The following KDM4B variants were observed in gnomAD, a reference collection of about 807,000 sequenced individuals.
KDM4B encodes the protein lysine demethylase 4B.
KDM4B carries 32 observed loss-of-function variants against 125.2 expected under a neutral mutation model. The observed-to-expected ratio is 0.26, with a 90% CI of 0.19 to 0.34. KDM4B has a LOEUF of 0.34. Ranked by LOEUF, KDM4B falls within the 10% of genes least tolerant of loss-of-function variation. KDM4B has a pLI of 1.00. For synonymous variants in KDM4B, 721 were observed against 677.9 expected, an observed-to-expected ratio of 1.06 and a Z score of -0.99; for missense variants, 1,190 against 1,577.7, an observed-to-expected ratio of 0.75 and a Z score of 4.16.
At chr19:5,020,446 T>C (rs932913221) in intron 2 of KDM4B, among the ~76,000 whole-genome samples, 9 of 152,106 alleles carry the variant, frequency 5.9e-5, no homozygotes, top group African/African-American at 2.2e-4. Context: ...TTTAGCCTTC[T>C]CAGGAATCGC....
intron 9 of KDM4B, among the ~76,000 whole-genome samples, chr19:5,091,164 C>G (rs2038694725): frequency 6.6e-6 from 1 of 152,228 alleles, no homozygotes; most frequent in Admixed American, 6.5e-5. Context: ...CCGGGCTGGC[C>G]CCGAGGTGGG....
intron 11 of KDM4B, among the ~76,000 whole-genome samples, chr19:5,126,062 C>T (rs530699668): frequency 5.3e-5 from 8 of 152,336 alleles, no homozygotes; most frequent in South Asian, 4.1e-4. Flanking sequence ...AAAGCTATGA[C>T]GCTGAGGCAC....
intron 2 of KDM4B, among the ~76,000 whole-genome samples, chr19:5,021,362 G>A (rs1009099153): frequency 6.6e-6 from 1 of 152,144 alleles, no homozygotes; most frequent in Non-Finnish European, 1.5e-5. Flanking sequence ...GCCAAGGCGG[G>A]TGGCCTTGAT....
Position 4,974,778 on chromosome 19 carries a change from A to AAAAC in KDM4B, c.-109+5564_-109+5567dup, listed in dbSNP as rs201538832. ...GAAGGTAGTCAAAGGAGTAAAAACC[A>AAAAC]AAACAAACAAACAAACAAAAGATTT... On this transcript the variant is annotated intron_variant, in intron 1 of 22. Coordinates refer to ENST00000159111, the MANE Select transcript of KDM4B (RefSeq NM_015015.3). Among the ~76,000 whole-genome samples the AAAAC allele has an allele frequency of 5.9e-3, 897 of 151,696 alleles. 6 individuals are homozygous for AAAAC. The highest frequency in any genetic ancestry group is 0.011 in the Admixed American group (168 of 15,254).
chr19:5,127,720 G>T (rs887368955), intron 11 of KDM4B, among the ~76,000 whole-genome samples: 6 of 152,202 alleles, frequency 3.9e-5, no homozygotes, highest in Admixed American at 6.5e-5. Context: ...CCTTGGAGGA[G>T]GAGGGAGAGA....
Position 5,114,095 on chromosome 19 carries a change from G to A in KDM4B, c.1115+3277G>A, listed in dbSNP as rs141297226. ...GGGTGCCCTCAGCCTCCCCACTCCC[G>A]GTGGCGCTGTGCGTTCTGGTGCCCT... On this transcript the variant is annotated intron_variant, in intron 10 of 22. Transcript: ENST00000159111. This position sits in a 1 kb window ranked among gnomAD's most constrained non-coding sequence, Gnocchi z 5.8. 0.012 allele frequency: 15,632 copies of A among 1,289,440 alleles called. 123 individuals are homozygous for A. Among genetic ancestry groups the A allele is most frequent in the Non-Finnish European group, 0.014 (13,867 of 988,720 alleles). 79.9% of individuals were successfully genotyped at this position (1,289,440 alleles called of 1,614,324 possible).
chr19:5,037,259 G>GA (rs1397951240), intron 3 of KDM4B, among the ~76,000 whole-genome samples: 8 of 152,192 alleles, frequency 5.3e-5, no homozygotes, highest in African/African-American at 1.2e-4. Context: ...GCTTCCTGGA[G>GA]AGGGGGGACA....
intron 1 of KDM4B, among the ~76,000 whole-genome samples, chr19:4,978,643 A>C (rs1421134417): frequency 6.6e-6 from 1 of 151,848 alleles, no homozygotes; most frequent in Non-Finnish European, 1.5e-5. Context: ...CCCCAAAGGC[A>C]GAGCAGAGCC....
chr19:5,145,217 GT>G (rs576512998), intron 21 of KDM4B, among the ~76,000 whole-genome samples: 79 of 145,954 alleles, frequency 5.4e-4, no homozygotes, highest in Non-Finnish European at 6.8e-4. Context: ...GTACCCCTGG[GT>G]TTTTTTTTTT....
Position 5,037,743 on chromosome 19 carries a change from A to G in KDM4B, c.142-2093A>G, listed in dbSNP as rs548944804. ...CCCTGGCCTCCATCTACCTCATGCC[A>G]GGAGCACCCTCAGTCGTGAAAGCCA... is the stretch of plus-strand genomic sequence containing the variant. On this transcript the variant is annotated intron_variant, in intron 3 of 22. Coordinates refer to ENST00000159111, the MANE Select transcript of KDM4B (RefSeq NM_015015.3). 4.3e-3 allele frequency among the ~76,000 whole-genome samples: 654 copies of G among 152,320 alleles called. 5 individuals are homozygous for G. The highest frequency in any genetic ancestry group is 0.014 in the African/African-American group (592 of 41,582).
rs187582350 is a variant in KDM4B, at chr19:5,110,555, G to A, written c.919-67G>A. 42 of 1,526,622 alleles carry A rather than the reference G, an allele frequency of 2.8e-5. No individual in the cohort carries two copies. In the East Asian group the frequency reaches 9.3e-4, roughly 34 times the overall value. 94.6% of individuals were successfully genotyped at this position (1,526,622 alleles called of 1,614,324 possible). A position where few individuals can be genotyped will look rare whatever the true frequency, so the allele number is the denominator to read the frequency against. ...CGGGCCGTGAGCCCTACCTGCTCTG[G>A]GGTGGGGTGTGTGGAGCCAGCCGTC... On this transcript the variant is annotated intron_variant, in intron 9 of 22. Transcript: ENST00000159111.
chr19:5,145,047 C>A lies in KDM4B; in HGVS notation c.3021+145C>A. ...CCATGGTTAGTGAGGCCCGCAGGAC[C>A]CAGCTGAGCCTTGGCTCGCCTGCCT... On this transcript the variant is annotated intron_variant, in intron 21 of 22. Transcript: ENST00000159111. 3 of 1,032,824 alleles carry A rather than the reference C, an allele frequency of 2.9e-6. No homozygotes were observed. The South Asian group carries it at 4.6e-5, about 16-fold the overall frequency. 64.0% of individuals were successfully genotyped at this position (1,032,824 alleles called of 1,614,324 possible). A position where few individuals can be genotyped will look rare whatever the true frequency, so the allele number is the denominator to read the frequency against.
At chr19:5,010,376 T>G (rs553164871) in intron 1 of KDM4B, among the ~76,000 whole-genome samples, 3 of 152,272 alleles carry the variant, frequency 2.0e-5, no homozygotes, top group South Asian at 2.1e-4. Context: ...CGTGGTGGTG[T>G]TGACCGTGGC....
intron 10 of KDM4B, among the ~76,000 whole-genome samples, chr19:5,118,363 G>A (rs1404611528): frequency 3.3e-5 from 5 of 152,228 alleles, no homozygotes; most frequent in African/African-American, 4.8e-5. Flanking sequence ...CAGGCTTGAC[G>A]TGGCTGGATC....
Position 5,001,909 on chromosome 19 carries a change from T to A in KDM4B, c.-108-14348T>A, listed in dbSNP as rs74172677. Among the ~76,000 whole-genome samples the A allele has an allele frequency of 3.5e-3, 531 of 152,356 alleles. 1 individual carries two copies. Among genetic ancestry groups the A allele is most frequent in the Non-Finnish European group, 6.3e-3 (431 of 68,038 alleles). ...ATACTTTTCACTTGCTTTTTTCTAT[T>A]GGATATTTGACTCTTTCCTCCTAAC... On this transcript the variant is annotated intron_variant, in intron 1 of 22. Coordinates refer to ENST00000159111, the MANE Select transcript of KDM4B (RefSeq NM_015015.3).
intron 1 of KDM4B, among the ~76,000 whole-genome samples, chr19:5,013,109 A>G (rs1196490143): frequency 6.6e-6 from 1 of 152,094 alleles, no homozygotes; most frequent in Non-Finnish European, 1.5e-5. Flanking sequence ...GGCCCCAGAG[A>G]GGGAGGGCAG....
chr19:4,982,916 G>T (rs1339855188), intron 1 of KDM4B, among the ~76,000 whole-genome samples: 3 of 152,112 alleles, frequency 2.0e-5, no homozygotes, highest in Non-Finnish European at 4.4e-5. Context: ...TGGCCTAAAA[G>T]TGATGTATGT....
rs1353123252 is a variant in KDM4B at position 5,141,865 on chromosome 19, G to C, written c.2551-2102G>C. Among the ~76,000 whole-genome samples, 2 of 152,306 alleles carry C rather than the reference G, an allele frequency of 1.3e-5. No individual in the cohort carries two copies. Among genetic ancestry groups the C allele is most frequent in the East Asian group, 3.9e-4 (2 of 5,178 alleles). On this transcript the variant is annotated intron_variant, in intron 18 of 22. Transcript: ENST00000159111. This position sits in a 1 kb window ranked among gnomAD's most constrained non-coding sequence, Gnocchi z 6.4. ...AGGTCTGGGAGGGGCTTGGGATGGG[G>C]GGAGGCGCCTCCAGGGCAGCAGGAG...
At chr19:4,988,639 T>TA (rs1372674620) in intron 1 of KDM4B, among the ~76,000 whole-genome samples, 1 of 152,216 alleles carries the variant, frequency 6.6e-6, no homozygotes, top group Non-Finnish European at 1.5e-5. Context: ...AGCTGTTACT[T>TA]ACGTTTACCA....
Sources: gnomAD v4.1 joint callset for allele counts (sites outside exome capture counted in the v4.1 genomes callset) on GRCh38, gnomAD v4.1.1 for gene constraint, Gnocchi (gnomAD v3.1) non-coding constraint, MANE v1.5 for transcripts, NCBI Gene and HGNC (gene_info 2026-07-23, HGNC 2026-07-21) for gene names.